THSD7B: variants seen among roughly 807,000 people sequenced by gnomAD.
THSD7B encodes thrombospondin type 1 domain containing 7B, also known as thrombospondin type-1 domain-containing protein 7B.
In THSD7B, 138 loss-of-function variants were observed where a neutral mutation model predicts 213.6. That is an observed-to-expected ratio of 0.65 (90% CI 0.56 to 0.74). The LOEUF (loss-of-function observed/expected upper bound fraction) is 0.74. Ranked by LOEUF, THSD7B falls within the 30% of genes least tolerant of loss-of-function variation. The pLI, the probability that THSD7B is intolerant of heterozygous loss-of-function variation, is 0.00. For synonymous variants in THSD7B, 742 were observed against 687.0 expected, an observed-to-expected ratio of 1.08 and a Z score of -1.25; for missense variants, 1,931 against 1,991.5, an observed-to-expected ratio of 0.97 and a Z score of 0.58.
At chr2:136,814,600 G>A (rs1237634423) in intron 1 of THSD7B, among the ~76,000 whole-genome samples, 3 of 151,990 alleles carry the variant, frequency 2.0e-5, no homozygotes, top group African/African-American at 7.2e-5. Context: ...GGGTTTCACC[G>A]TGTTAGCGAG....
At chr2:137,668,177 C>G (rs1683487655) in intron 27 of THSD7B, among the ~76,000 whole-genome samples, 1 of 152,166 alleles carries the variant, frequency 6.6e-6, no homozygotes, top group African/African-American at 2.4e-5. Flanking sequence ...GGCTTGATCT[C>G]ACTCCCCAGA....
rs1387033729 is a variant in THSD7B at position 137,411,582 on chromosome 2, A to G, written c.2696-27A>G. 3 of 1,579,478 alleles carry G rather than the reference A, an allele frequency of 1.9e-6. No homozygotes were observed. In the South Asian group the frequency reaches 3.5e-5, roughly 18 times the overall value. On this transcript the variant is annotated intron_variant, in intron 13 of 27. Transcript: ENST00000409968. The stretch of plus-strand genomic sequence containing the variant: ...TAACAAAACAGCAGATAAGCATTTA[A>G]TATCTTAATGTCTCTTGTTGGAACA...
intron 5 of THSD7B, among the ~76,000 whole-genome samples, chr2:137,140,540 G>T (rs1216141333): frequency 2.6e-5 from 4 of 152,018 alleles, no homozygotes; most frequent in Admixed American, 1.3e-4. Flanking sequence ...CATTAACAGT[G>T]TCTAAGCTAT....
intron 10 of THSD7B, among the ~76,000 whole-genome samples, chr2:137,250,238 A>G (rs1235798519): frequency 6.6e-6 from 1 of 152,210 alleles, no homozygotes; most frequent in Non-Finnish European, 1.5e-5. Flanking sequence ...GATTACTTCT[A>G]TTTTAAAATT....
At chr2:137,651,553 T>C (rs1229209483) in intron 21 of THSD7B, among the ~76,000 whole-genome samples, 1 of 152,040 alleles carries the variant, frequency 6.6e-6, no homozygotes, top group African/African-American at 2.4e-5. Flanking sequence ...GTGAGACCAC[T>C]TTGACTTATG....
chr2:137,407,545 A>T (rs1686555257), intron 13 of THSD7B, among the ~76,000 whole-genome samples: 1 of 152,168 alleles, frequency 6.6e-6, no homozygotes, highest in Admixed American at 6.6e-5. Context: ...TTTTATTGTC[A>T]TGAAACTAAT....
At position 137,655,506 on chromosome 2, in the gene THSD7B, A is replaced by T; in HGVS notation, c.3951A>T (p.Gly1317=). 1 of 1,611,004 alleles carries T rather than the reference A, an allele frequency of 6.2e-7. No individual in the cohort carries two copies. Among genetic ancestry groups the T allele is most frequent in the Non-Finnish European group, 8.5e-7 (1 of 1,178,588 alleles). ...AGTATCCTTTCCTCTCATAGGGTGG[A>T]GACTGTGGGGAAGGAGTTCAGATCC... The part of the protein sequence containing the change: ...GNWSACKLEG[G]DCGEGVQIRS... Residue 1317 remains glycine (G), a synonymous_variant, in exon 22 of 28, where the codon GGA becomes GGT. Transcript: ENST00000409968.
intron 15 of THSD7B, chr2:137,479,376 G>C (rs1433022611): frequency 8.4e-6 from 2 of 237,178 alleles, no homozygotes; most frequent in Non-Finnish European, 1.8e-5. Flanking sequence ...TGGGTCCTGT[G>C]GAGCTGGGCT....
At chr2:137,259,271 A>T (rs1180866369) in intron 10 of THSD7B, among the ~76,000 whole-genome samples, 1 of 152,192 alleles carries the variant, frequency 6.6e-6, no homozygotes. Context: ...ACTGTTTTCC[A>T]CAATGGTTGA....
chr2:137,331,349 G>T (rs1006767624), intron 12 of THSD7B, among the ~76,000 whole-genome samples: 1 of 151,188 alleles, frequency 6.6e-6, no homozygotes, highest in African/African-American at 2.4e-5. Flanking sequence ...AGACATAAAC[G>T]TTCTCCAAGG....
chr2:137,630,177 A>G (rs552257350), intron 20 of THSD7B, among the ~76,000 whole-genome samples: 1 of 152,178 alleles, frequency 6.6e-6, no homozygotes, highest in Non-Finnish European at 1.5e-5. Flanking sequence ...TATTTTTTGT[A>G]GAAACTGGGT....
intron 6 of THSD7B, among the ~76,000 whole-genome samples, chr2:137,168,855 G>A (rs556580228): frequency 1.3e-4 from 20 of 152,076 alleles, no homozygotes; most frequent in Admixed American, 4.6e-4. Context: ...GTGAGAGCTC[G>A]TAGGTCATTG....
At chr2:137,303,716 T>TTATATATATA (rs1231232248) in intron 12 of THSD7B, among the ~76,000 whole-genome samples, 9 of 128,614 alleles carry the variant, frequency 7.0e-5, no homozygotes, top group African/African-American at 2.7e-4. Flanking sequence ...ATATATATAT[T>TTATATATATA]TATATATATA....
intron 8 of THSD7B, among the ~76,000 whole-genome samples, chr2:137,231,944 G>A (rs973722802): frequency 2.0e-5 from 3 of 152,162 alleles, no homozygotes; most frequent in Non-Finnish European, 4.4e-5. Flanking sequence ...GCTGTGAGGA[G>A]CTACTTTTTA....
At chr2:136,829,569 G>A (rs36106344) in intron 1 of THSD7B, among the ~76,000 whole-genome samples, 21,026 of 152,060 alleles carry the variant, frequency 0.14, 2,173 homozygotes, top group Non-Finnish European at 0.22. Flanking sequence ...AAAATCTGTG[G>A]TCATAACTTG....
At position 137,677,713 on chromosome 2, in the gene THSD7B, A is replaced by G. The variant is rs949805895; in HGVS notation, c.*1108A>G. The G allele has an allele frequency of 6.6e-6, 1 of 152,652 alleles. No individual in the cohort carries two copies. The highest frequency in any genetic ancestry group is 1.5e-5 in the Non-Finnish European group (1 of 68,040). 9.5% of individuals were successfully genotyped at this position (152,652 alleles called of 1,614,324 possible). On this transcript the variant is annotated 3_prime_UTR_variant, in exon 28 of 28. Transcript: ENST00000409968. The stretch of plus-strand genomic sequence containing the variant: ...TTATAACAAATAAACTGCTCAAGAG[A>G]CTGCAGTGTTGGCTGTTCTAGATTT...
intron 21 of THSD7B, among the ~76,000 whole-genome samples, chr2:137,647,356 C>T (rs1683052510): frequency 6.6e-6 from 1 of 151,810 alleles, no homozygotes; most frequent in South Asian, 2.1e-4. Flanking sequence ...ACTGCAGCAA[C>T]AGAGATGCAA....
chr2:137,302,363 A>C (rs1263429690), intron 12 of THSD7B, among the ~76,000 whole-genome samples: 1 of 152,134 alleles, frequency 6.6e-6, no homozygotes, highest in African/African-American at 2.4e-5. Context: ...CATCAAGAGA[A>C]GGAAATGTTT....
In THSD7B at chr2:137,316,221, C is replaced by T. The variant is rs371575276; in HGVS notation, c.2500+40195C>T. On this transcript the variant is annotated intron_variant, in intron 12 of 27. Coordinates refer to ENST00000409968, the MANE Select transcript of THSD7B (RefSeq NM_001316349.2). ...GTGTGGGCGAAAAAAATACCACAAC[C>T]GATACCTTCAAAATGAATCTGTAAA... Among the ~76,000 whole-genome samples the T allele has an allele frequency of 5.9e-5, 9 of 152,312 alleles. 1 individual carries two copies. Among genetic ancestry groups the T allele is most frequent in the South Asian group, 4.1e-4 (2 of 4,828 alleles).
Sources: allele counts gnomAD v4.1 joint callset (sites outside exome capture counted in the v4.1 genomes callset), GRCh38; gene constraint gnomAD v4.1.1; transcripts MANE v1.5; gene names NCBI Gene and HGNC (gene_info 2026-07-23, HGNC 2026-07-21).